CPSF6: variants seen among roughly 807,000 people sequenced by gnomAD.
The protein encoded by CPSF6 is cleavage and polyadenylation specific factor 6.
A neutral mutation model predicts 56.7 loss-of-function variants in CPSF6; 10 were observed. The ratio of observed to expected loss-of-function variants is 0.18; its 90% confidence interval spans 0.11 to 0.30. The LOEUF is 0.30. CPSF6 is among the 10% of genes least tolerant of loss of function. The pLI, the probability that CPSF6 is intolerant of heterozygous loss-of-function variation, is 1.00. For synonymous variants in CPSF6, 248 were observed against 244.8 expected (o/e 1.01, Z -0.12); for missense variants, 419 against 722.9 (o/e 0.58, Z 4.82).
intron 1 of CPSF6, among the ~76,000 whole-genome samples, chr12:69,244,031 C>T (rs1871761538): frequency 6.6e-6 from 1 of 152,038 alleles, no homozygotes; most frequent in South Asian, 2.1e-4. Flanking sequence ...GATGAGGTCC[C>T]AGCTAGTCTC....
Position 69,258,674 on chromosome 12 carries a change from C to T in CPSF6, c.779C>T (p.Pro260Leu). 6.2e-7 allele frequency: 1 copy of T among 1,614,064 alleles called. No individual in the cohort carries two copies. The highest frequency in any genetic ancestry group is 8.5e-7 in the Non-Finnish European group (1 of 1,179,984). Reference sequence around the variant, plus strand: ...CCTCCACCTCCTGGTCAGGTTCTGCCTCCTCCTCTAGCTGGGCCTCCTAAT... The same window carrying T: ...CCTCCACCTCCTGGTCAGGTTCTGCTTCCTCCTCTAGCTGGGCCTCCTAAT... Reference protein sequence around the residue: ...PGPPPPGQVLPPPLAGPPNRG... With the variant: ...PGPPPPGQVLLPPLAGPPNRG... Residue 260 changes from proline to leucine, a missense_variant, in exon 6 of 10, where the codon CCT becomes CTT. By Grantham distance (98) the Pro-to-Leu change is moderately conservative (BLOSUM62 -3). Coordinates refer to ENST00000435070, the MANE Select transcript of CPSF6 (RefSeq NM_007007.3). This position sits in a 1 kb window ranked among gnomAD's most constrained non-coding sequence, Gnocchi z 4.2.
chr12:69,245,260 C>T (rs983487224), intron 1 of CPSF6, among the ~76,000 whole-genome samples: 5 of 151,772 alleles, frequency 3.3e-5, no homozygotes, highest in East Asian at 1.9e-4. Context: ...ACCAGCATTA[C>T]GAGCCCAAAC....
At chr12:69,267,187 A>G (rs1422972637) in intron 9 of CPSF6, among the ~76,000 whole-genome samples, 1 of 152,032 alleles carries the variant, frequency 6.6e-6, no homozygotes, top group African/African-American at 2.4e-5. Context: ...CCTGTCAAGT[A>G]TTTATTTAAA....
In CPSF6 at chr12:69,260,104, A is replaced by G; in HGVS notation, c.1376A>G (p.Lys459Arg). Residue 459 changes from lysine to arginine, a missense_variant, in exon 8 of 10, where the codon AAA becomes AGA. Physicochemically the swap from Lys to Arg is conservative, Grantham distance 26 (BLOSUM62 2). This residue lies in a region of CPSF6 where 81 missense variants were observed against 193.6 expected (regional missense o/e 0.42). Coordinates refer to ENST00000435070, the MANE Select transcript of CPSF6 (RefSeq NM_007007.3). ...GCAATTTCTTTAATTAAACAATCCA[A>G]AGTATCTGCTGATGATCGTTGCAAA... The part of the protein sequence containing the change: ...VTAISLIKQS[K>R]VSADDRCKVL... 1 of 1,613,540 alleles carries G rather than the reference A, an allele frequency of 6.2e-7. No individual in the cohort carries two copies. The highest frequency in any genetic ancestry group is 8.5e-7 in the Non-Finnish European group (1 of 1,179,692).
chr12:69,249,152 C>CGG (rs548477892), intron 1 of CPSF6, among the ~76,000 whole-genome samples: 1 of 16,608 alleles, frequency 6.0e-5, no homozygotes, highest in East Asian at 2.1e-3. Flanking sequence ...CCCAGCTACT[C>CGG]GGGGGGGGGG....
chr12:69,248,174 T>C (rs1330669712), intron 1 of CPSF6, among the ~76,000 whole-genome samples: 2 of 152,262 alleles, frequency 1.3e-5, no homozygotes, highest in Non-Finnish European at 2.9e-5. Context: ...GCTGCAATTA[T>C]GCTTGTAAAT....
chr12:69,252,995 A>G (rs903699922), intron 2 of CPSF6, 56 bp from the exon 3 acceptor site: 2 of 969,838 alleles, frequency 2.1e-6, no homozygotes, highest in South Asian at 1.7e-5. Context: ...CTAGACTGGG[A>G]TAATAAAAAT....
In CPSF6 at chr12:69,258,496, C is replaced by T. The variant is rs1872600986; in HGVS notation, c.695-94C>T. Reference sequence around the variant, plus strand: ...TTTAAAGACAAAGACTTGGTGTATGCTCTATGCGTTTAAAGTATAATCTTG... The same window carrying T: ...TTTAAAGACAAAGACTTGGTGTATGTTCTATGCGTTTAAAGTATAATCTTG... On this transcript the variant is annotated intron_variant, in intron 5 of 9. Transcript: ENST00000435070. This position sits in a 1 kb window ranked among gnomAD's most constrained non-coding sequence, Gnocchi z 4.2. The T allele has an allele frequency of 1.3e-5, 16 of 1,269,864 alleles. No homozygotes were observed. The South Asian group carries it at 2.3e-4, about 18-fold the overall frequency. 78.7% of individuals were successfully genotyped at this position (1,269,864 alleles called of 1,614,324 possible). A position where few individuals can be genotyped will look rare whatever the true frequency, so the allele number is the denominator to read the frequency against.
At chr12:69,264,834 A>G (rs1390646452) in intron 9 of CPSF6, among the ~76,000 whole-genome samples, 7 of 152,196 alleles carry the variant, frequency 4.6e-5, no homozygotes. Context: ...CACCATCATA[A>G]TAAGGTCTGT....
rs773357266 is a variant in CPSF6 at position 69,239,616 on chromosome 12, C to T, written c.-31C>T. On this transcript the variant is annotated 5_prime_UTR_variant, in exon 1 of 10. Transcript: ENST00000435070. ...CGGCGGGCAGACCTGCAGGAGGCGG[C>T]GGCGGCGGCGGCGGCCGAGGCTGAA... The T allele has an allele frequency of 1.4e-5, 21 of 1,539,898 alleles. No individual in the cohort carries two copies. In the African/African-American group the frequency reaches 1.7e-4, roughly 13 times the overall value.
rs1565654722 is a variant in CPSF6, at chr12:69,273,658, GTTAAA to G, written c.*4154_*4158del. 6.6e-6 allele frequency: 1 copy of G among 151,808 alleles called. No individual in the cohort carries two copies. The highest frequency in any genetic ancestry group is 1.5e-5 in the Non-Finnish European group (1 of 67,824). The allele number at this position is 151,808 out of a possible 1,614,324, so 9.4% of individuals were successfully genotyped here. ...CGTAACACTTCTCAACATTCTGTAA[GTTAAA>G]TTATTTTAAAATAACTATGGTGAAT... On this transcript the variant is annotated 3_prime_UTR_variant, in exon 10 of 10. Transcript: ENST00000435070.
chr12:69,255,310 T>C (rs1444518109), intron 3 of CPSF6: 1 of 152,268 alleles, frequency 6.6e-6, no homozygotes, highest in Admixed American at 6.5e-5. Flanking sequence ...TTATTTCCAC[T>C]TTTGGCTATT....
At chr12:69,261,187 C>T (rs1026412881) in intron 8 of CPSF6, among the ~76,000 whole-genome samples, 2 of 151,980 alleles carry the variant, frequency 1.3e-5, no homozygotes, top group African/African-American at 4.8e-5. Context: ...GACATGGTCC[C>T]CAGTTTTGTA....
Position 69,257,911 on chromosome 12 carries a change from A to G in CPSF6, c.694+6A>G. Reference sequence around the variant, plus strand: ...GCCACCCCCACCTTTTCCAGGTAAAACTTTTCTTAAATTACCATGGATAAA... The same window carrying G: ...GCCACCCCCACCTTTTCCAGGTAAAGCTTTTCTTAAATTACCATGGATAAA... On this transcript the variant is annotated splice_donor_region_variant and intron_variant, in intron 5 of 9. Coordinates refer to ENST00000435070, the MANE Select transcript of CPSF6 (RefSeq NM_007007.3). 3 of 1,590,978 alleles carry G rather than the reference A, an allele frequency of 1.9e-6. No individual in the cohort carries two copies. Among genetic ancestry groups the G allele is most frequent in the Non-Finnish European group, 2.6e-6 (3 of 1,171,310 alleles).
At chr12:69,259,149 C>A in intron 6 of CPSF6, 55 bp downstream of exon 6, 1 of 1,513,652 alleles carries the variant, frequency 6.6e-7, no homozygotes, top group Non-Finnish European at 8.9e-7. Flanking sequence ...GGAACAATGA[C>A]TGTAAATATT....
chr12:69,259,976 C>A, intron 7 of CPSF6, 68 bp from the exon 8 acceptor site: 1 of 1,544,684 alleles, frequency 6.5e-7, no homozygotes. Flanking sequence ...CACTCTTATC[C>A]CAAGTGGTTT....
chr12:69,267,917 C>T (rs1221280960), intron 9 of CPSF6, among the ~76,000 whole-genome samples: 1 of 151,764 alleles, frequency 6.6e-6, no homozygotes, highest in Admixed American at 6.6e-5. Flanking sequence ...GATAATGACA[C>T]AAAGATGCAG....
chr12:69,254,167 C>T (rs1265360916), intron 3 of CPSF6, among the ~76,000 whole-genome samples: 1 of 139,992 alleles, frequency 7.1e-6, no homozygotes, highest in Admixed American at 7.4e-5. Flanking sequence ...GTCTGTACTC[C>T]ACATAACAGA....
chr12:69,252,971 T>C, intron 2 of CPSF6, 80 bp from the exon 3 acceptor site: 1 of 784,802 alleles, frequency 1.3e-6, no homozygotes, highest in Non-Finnish European at 2.0e-6. Context: ...ATGTCTCAAA[T>C]TTCCCCTTAA....
Sources: gnomAD v4.1 joint callset for allele counts (sites outside exome capture counted in the v4.1 genomes callset) on GRCh38, gnomAD v4.1.1 for gene constraint, gnomAD v4.1.1 regional missense constraint, Gnocchi (gnomAD v3.1) non-coding constraint, MANE v1.5 for transcripts, NCBI Gene and HGNC (gene_info 2026-07-23, HGNC 2026-07-21) for gene names.